KLF7: variants seen among roughly 807,000 people sequenced by gnomAD.
The protein encoded by KLF7 is Krueppel-like factor 7.
In KLF7, 2 loss-of-function variants were observed where a neutral mutation model predicts 27.3. The ratio of observed to expected loss-of-function variants is 0.07; its 90% CI spans 0.03 to 0.23. The LOEUF (loss-of-function observed/expected upper bound fraction) is 0.23, where lower values mean the gene tolerates loss of function less well. KLF7 is among the 10% of genes least tolerant of loss of function. The probability of loss-of-function intolerance (pLI) is 1.00; values close to 1 mark genes in which losing one functional copy is unlikely to be tolerated. For synonymous variants in KLF7, 165 were observed against 162.4 expected (o/e 1.02, Z -0.12); for missense variants, 221 against 394.1 (o/e 0.56, Z 3.72).
At chr2:207,092,738 A>G (rs1409427318) in intron 2 of KLF7, among the ~76,000 whole-genome samples, 2 of 152,240 alleles carry the variant, frequency 1.3e-5, no homozygotes, top group African/African-American at 4.8e-5. Flanking sequence ...ATCAAAAAAC[A>G]CTGCCATAAA....
chr2:207,137,123 T>C (rs887475696), intron 1 of KLF7, among the ~76,000 whole-genome samples: 3 of 151,986 alleles, frequency 2.0e-5, no homozygotes, highest in Admixed American at 6.6e-5. Flanking sequence ...TTAACTGGTA[T>C]CCTGGGTGAA....
chr2:207,112,238 G>A (rs1354431272), intron 2 of KLF7, among the ~76,000 whole-genome samples: 1 of 151,108 alleles, frequency 6.6e-6, no homozygotes, highest in African/African-American at 2.5e-5. Flanking sequence ...TACCCTCTCT[G>A]TAAGTTTTTC....
intron 2 of KLF7, among the ~76,000 whole-genome samples, chr2:207,089,247 A>C (rs1400398875): frequency 2.0e-5 from 3 of 152,262 alleles, no homozygotes; most frequent in African/African-American, 7.2e-5. Context: ...GGAAGCTCAT[A>C]GCTTAACAAC....
chr2:207,115,814 T>C (rs764955120), intron 2 of KLF7, among the ~76,000 whole-genome samples: 4 of 152,116 alleles, frequency 2.6e-5, no homozygotes, highest in Non-Finnish European at 4.4e-5. Flanking sequence ...AAACTAATAA[T>C]AGAAGATTAA....
chr2:207,096,124 G>A (rs1008230460), intron 2 of KLF7, among the ~76,000 whole-genome samples: 4 of 152,066 alleles, frequency 2.6e-5, no homozygotes, highest in Non-Finnish European at 2.9e-5. Flanking sequence ...ATTCCAACCC[G>A]TGGTAGAAGC....
upstream of KLF7, among the ~76,000 whole-genome samples, chr2:207,167,836 T>C (rs1033642068): frequency 3.9e-5 from 6 of 152,226 alleles, no homozygotes; most frequent in Admixed American, 3.3e-4. Context: ...TCAAAATATC[T>C]TTGGTAACTC....
rs576954656 is a variant in KLF7 at position 207,162,935 on chromosome 2, C to T, written c.102+2532G>A. On this transcript the variant is annotated intron_variant, in intron 1 of 3. Coordinates refer to ENST00000309446, the MANE Select transcript of KLF7 (RefSeq NM_003709.4). ...CCCCAGAGCATAAAGAAACTTCTTC[C>T]TGTCTGGGGTTCTTTGCAGAAACCC... is the stretch of plus-strand genomic sequence containing the variant. 3.7e-3 allele frequency among the ~76,000 whole-genome samples: 560 copies of T among 152,308 alleles called. 4 individuals are homozygous for T. The highest frequency in any genetic ancestry group is 5.0e-3 in the Non-Finnish European group (337 of 68,018).
chr2:207,161,772 A>G (rs1488433205), intron 1 of KLF7, among the ~76,000 whole-genome samples: 1 of 152,212 alleles, frequency 6.6e-6, no homozygotes, highest in Non-Finnish European at 1.5e-5. Context: ...GGGACACTTT[A>G]GTCCTTACAG....
intron 1 of KLF7, among the ~76,000 whole-genome samples, chr2:207,139,856 ATAGAAT>A (rs1486111520): frequency 5.9e-5 from 9 of 152,274 alleles, no homozygotes; most frequent in African/African-American, 2.2e-4. Context: ...AGGAAAACAG[ATAGAAT>A]TAGAATCATT....
At chr2:207,115,306 G>C (rs1251404702) in intron 2 of KLF7, among the ~76,000 whole-genome samples, 1 of 152,116 alleles carries the variant, frequency 6.6e-6, no homozygotes, top group East Asian at 1.9e-4. Context: ...GTCCAATCCC[G>C]GGTCAGTCCC....
At chr2:207,159,221 C>T (rs2078472800) in intron 1 of KLF7, among the ~76,000 whole-genome samples, 3 of 152,190 alleles carry the variant, frequency 2.0e-5, no homozygotes, top group Non-Finnish European at 2.9e-5. Context: ...CAGACATGGG[C>T]ACTGTTTCCT....
chr2:207,162,910 C>A (rs893113378), intron 1 of KLF7, among the ~76,000 whole-genome samples: 2 of 152,168 alleles, frequency 1.3e-5, no homozygotes, highest in Non-Finnish European at 2.9e-5. Flanking sequence ...AATCTGATTA[C>A]CCCAGAGCAT....
At chr2:207,084,393 A>G (rs1253507455) in intron 3 of KLF7, among the ~76,000 whole-genome samples, 1 of 152,214 alleles carries the variant, frequency 6.6e-6, no homozygotes, top group African/African-American at 2.4e-5. Context: ...CTGGGTATTT[A>G]GCAATATATG....
chr2:207,157,219 T>TAA (rs5838052), intron 1 of KLF7, among the ~76,000 whole-genome samples: 9 of 87,280 alleles, frequency 1.0e-4, no homozygotes, highest in Non-Finnish European at 1.6e-4. Flanking sequence ...AACAGAAAAG[T>TAA]AAAAAAAAAA....
chr2:207,132,666 T>C (rs1278994599), intron 1 of KLF7, among the ~76,000 whole-genome samples: 1 of 152,220 alleles, frequency 6.6e-6, no homozygotes, highest in Non-Finnish European at 1.5e-5. Flanking sequence ...ATTCCTTAGT[T>C]GCAGTGCATA....
chr2:207,150,077 C>G (rs1166328837), intron 1 of KLF7, among the ~76,000 whole-genome samples: 2 of 152,186 alleles, frequency 1.3e-5, no homozygotes, highest in South Asian at 4.1e-4. Flanking sequence ...CTTCCTTCAT[C>G]CCTGAATACC....
chr2:207,105,464 G>A (rs1008786921), intron 2 of KLF7, among the ~76,000 whole-genome samples: 2 of 152,222 alleles, frequency 1.3e-5, no homozygotes, highest in African/African-American at 4.8e-5. Flanking sequence ...CAGCTAATAA[G>A]TGGCTGAGAT....
chr2:207,166,859 G>T, upstream of KLF7: 2 of 1,063,400 alleles, frequency 1.9e-6, no homozygotes, highest in Non-Finnish European at 2.3e-6. Context: ...CACACAATGG[G>T]AGAGAACAAA....
chr2:207,092,561 A>G (rs1444569989), intron 2 of KLF7, among the ~76,000 whole-genome samples: 9 of 152,350 alleles, frequency 5.9e-5, no homozygotes, highest in Admixed American at 3.9e-4. Context: ...AGGAGAGGTA[A>G]GGGTGCTTGA....
Sources: gnomAD v4.1 joint callset for allele counts (sites outside exome capture counted in the v4.1 genomes callset) on GRCh38, gnomAD v4.1.1 for gene constraint, MANE v1.5 for transcripts, NCBI Gene and HGNC (gene_info 2026-07-23, HGNC 2026-07-21) for gene names.